The following ADCY8 variants were observed in gnomAD, a reference collection of about 807,000 sequenced individuals.
ADCY8 encodes adenylate cyclase type 8.
In ADCY8, 51 loss-of-function variants were observed where a neutral mutation model predicts 119.7. The ratio of observed to expected loss-of-function variants is 0.43; its 90% CI spans 0.34 to 0.54. ADCY8 has a LOEUF of 0.54. ADCY8 is among the 20% of genes least tolerant of loss of function. The pLI is 0.03. For synonymous variants in ADCY8, 665 were observed against 651.0 expected (o/e 1.02, Z -0.33); for missense variants, 1,383 against 1,598.8 (o/e 0.87, Z 2.30).
chr8:130,993,454 A>G (rs1418063847), intron 1 of ADCY8, among the ~76,000 whole-genome samples: 1 of 152,208 alleles, frequency 6.6e-6, no homozygotes, highest in East Asian at 1.9e-4. Context: ...TATGATTAAC[A>G]ACCGTGAAAT....
chr8:130,884,521 C>T (rs766371735), intron 8 of ADCY8, 43 bp downstream of exon 8: 1 of 1,601,818 alleles, frequency 6.2e-7, no homozygotes, highest in Non-Finnish European at 8.5e-7. Flanking sequence ...ACATCTACCA[C>T]AATTTACTCA....
chr8:130,956,806 C>CT (rs1278221983), intron 2 of ADCY8, among the ~76,000 whole-genome samples: 1 of 152,142 alleles, frequency 6.6e-6, no homozygotes, highest in Non-Finnish European at 1.5e-5. Context: ...AGGAAAAATC[C>CT]TTTCACTTGG....
chr8:130,785,553 G>T, intron 15 of ADCY8, 78 bp from the exon 16 acceptor site: 1 of 994,530 alleles, frequency 1.0e-6, no homozygotes, highest in Non-Finnish European at 1.5e-6. Flanking sequence ...ACAGGCCCCT[G>T]GCTCACAATG....
At chr8:130,875,583 C>T (rs1035225251) in intron 8 of ADCY8, among the ~76,000 whole-genome samples, 8 of 152,132 alleles carry the variant, frequency 5.3e-5, no homozygotes, top group African/African-American at 1.9e-4. Flanking sequence ...ACATCATAAC[C>T]CATCAGAAAA....
In ADCY8 at chr8:130,992,410, TA is replaced by T. The variant is rs1563759096; in HGVS notation, c.961-1869del. On this transcript the variant is annotated intron_variant, in intron 1 of 17. Coordinates refer to ENST00000286355, the MANE Select transcript of ADCY8 (RefSeq NM_001115.3). ...ATATATATATATATATATATATATA[TA>T]TATATATATATATATATATTTGAGA... Among the ~76,000 whole-genome samples, 12 of 32,390 alleles carry T rather than the reference TA, an allele frequency of 3.7e-4. 1 individual carries two copies. The highest frequency in any genetic ancestry group is 1.4e-3 in the African/African-American group (12 of 8,302). The allele number at this position is 32,390 out of a possible 152,430, so 21.2% of individuals were successfully genotyped here.
chr8:130,869,507 TA>T (rs201615684), intron 8 of ADCY8, among the ~76,000 whole-genome samples: 2,084 of 108,390 alleles, frequency 0.019, 34 homozygotes, highest in African/African-American at 0.056. Flanking sequence ...TTATTTTGTT[TA>T]TTTTTTTTTG....
intron 2 of ADCY8, among the ~76,000 whole-genome samples, chr8:130,952,857 G>C (rs1367705883): frequency 6.6e-6 from 1 of 152,124 alleles, no homozygotes; most frequent in African/African-American, 2.4e-5. Flanking sequence ...TTGCCTGGGA[G>C]AGTGAGCTAC....
chr8:130,826,516 C>A (rs1816671917), intron 12 of ADCY8, among the ~76,000 whole-genome samples: 1 of 152,114 alleles, frequency 6.6e-6, no homozygotes, highest in Non-Finnish European at 1.5e-5. Flanking sequence ...AAGTGTTTTT[C>A]CTAGATACTA....
chr8:130,988,564 G>C (rs1822475240), intron 2 of ADCY8, among the ~76,000 whole-genome samples: 1 of 152,190 alleles, frequency 6.6e-6, no homozygotes, highest in Non-Finnish European at 1.5e-5. Context: ...ACCTATGGTG[G>C]AAAGTTAAGT....
At chr8:130,993,505 C>T (rs953531696) in intron 1 of ADCY8, among the ~76,000 whole-genome samples, 1 of 152,200 alleles carries the variant, frequency 6.6e-6, no homozygotes, top group African/African-American at 2.4e-5. Context: ...ACCAAAATCT[C>T]ATCTTGAATT....
Position 130,940,484 on chromosome 8 carries a change from G to A in ADCY8, c.1353+2867C>T, listed in dbSNP as rs551989644. ...ATCCCAAATACATGGTTGTATATACGCATATATATTATATAAAATTATTTT... is the reference window on the plus strand; with the variant it reads ...ATCCCAAATACATGGTTGTATATACACATATATATTATATAAAATTATTTT... On this transcript the variant is annotated intron_variant, in intron 4 of 17. Transcript: ENST00000286355. Among the ~76,000 whole-genome samples the A allele has an allele frequency of 7.4e-4, 112 of 151,756 alleles. 1 individual carries two copies. The highest frequency in any genetic ancestry group is 6.5e-4 in the Non-Finnish European group (44 of 67,962).
chr8:130,866,533 A>G (rs1374234806), intron 9 of ADCY8, among the ~76,000 whole-genome samples: 4 of 152,170 alleles, frequency 2.6e-5, no homozygotes, highest in African/African-American at 2.4e-5. Context: ...TCACTATTCT[A>G]TAAACACAAG....
At chr8:130,899,920 A>C (rs1819539974) in intron 7 of ADCY8, among the ~76,000 whole-genome samples, 1 of 152,182 alleles carries the variant, frequency 6.6e-6, no homozygotes, top group Non-Finnish European at 1.5e-5. Flanking sequence ...CCCATATGTG[A>C]AATTTTTCAC....
At chr8:130,869,255 A>C (rs1195021787) in intron 8 of ADCY8, among the ~76,000 whole-genome samples, 1 of 152,152 alleles carries the variant, frequency 6.6e-6, no homozygotes, top group African/African-American at 2.4e-5. Flanking sequence ...ATGGCTCTGA[A>C]GAATCACTTT....
chr8:130,812,664 C>G (rs1816205855), intron 14 of ADCY8, among the ~76,000 whole-genome samples: 3 of 152,304 alleles, frequency 2.0e-5, no homozygotes, highest in South Asian at 4.1e-4. Flanking sequence ...ACTCCCAGCA[C>G]CTTGATTTCA....
Position 130,836,316 on chromosome 8 carries a change from C to A in ADCY8, c.2636G>T (p.Gly879Val), listed in dbSNP as rs1482513025. 8.7e-6 allele frequency: 14 copies of A among 1,613,800 alleles called. No individual in the cohort carries two copies. Among genetic ancestry groups the A allele is most frequent in the Non-Finnish European group, 1.1e-5 (13 of 1,179,802 alleles). ...YALLTETVYA[G>V]LFLRYDNLNH... ...GAGGTTGTCATAACGCAGAAAGAGG[C>A]CTGCGTAGACGGTCTCAGTGAGCAG... The change falls in exon 12 of 18, where the codon GGC becomes GTC. Residue 879 changes from glycine to valine, a missense_variant. Transcript: ENST00000286355.
At chr8:130,825,431 T>C (rs142121826) in intron 12 of ADCY8, among the ~76,000 whole-genome samples, 2 of 152,316 alleles carry the variant, frequency 1.3e-5, no homozygotes, top group East Asian at 3.9e-4. Context: ...AATTCTACTT[T>C]TGTGGCATTT....
chr8:130,867,581 G>A (rs1183282740), intron 9 of ADCY8, among the ~76,000 whole-genome samples: 1 of 152,304 alleles, frequency 6.6e-6, no homozygotes, highest in African/African-American at 2.4e-5. Flanking sequence ...ATTCATGAGT[G>A]TCATGTCAAA....
chr8:130,828,771 T>C (rs1816741084), intron 12 of ADCY8, among the ~76,000 whole-genome samples: 1 of 152,212 alleles, frequency 6.6e-6, no homozygotes, highest in African/African-American at 2.4e-5. Flanking sequence ...CCTTACATTT[T>C]TTAAGGCACC....
Sources: allele counts gnomAD v4.1 joint callset (sites outside exome capture counted in the v4.1 genomes callset), GRCh38; gene constraint gnomAD v4.1.1; transcripts MANE v1.5; gene names NCBI Gene and HGNC (gene_info 2026-07-23, HGNC 2026-07-21).